FARS2: variants seen among roughly 807,000 people sequenced by gnomAD.
The protein encoded by FARS2 is phenylalanine--tRNA ligase, mitochondrial.
FARS2 carries 40 observed loss-of-function variants against 46.4 expected under a neutral mutation model. The ratio of observed to expected loss-of-function variants is 0.86; its 90% CI spans 0.67 to 1.12. FARS2 has a LOEUF of 1.12. Ranked by LOEUF, FARS2 falls within the 50% of genes most tolerant of loss-of-function variation. The pLI is 0.00. For missense variants in FARS2, 513 were observed against 567.9 expected, an observed-to-expected ratio of 0.90 and a Z score of 0.98; for synonymous variants, 234 against 214.9, an observed-to-expected ratio of 1.09 and a Z score of -0.78.
At chr6:5,466,793 G>A in intron 4 of FARS2, 2 of 985,290 alleles carry the variant, frequency 2.0e-6, no homozygotes, top group Non-Finnish European at 2.4e-6. Context: ...TTCTGGTGCA[G>A]GAAGTTGTTA....
chr6:5,624,915 T>A (rs945288589), intron 6 of FARS2, among the ~76,000 whole-genome samples: 4 of 149,184 alleles, frequency 2.7e-5, no homozygotes, highest in Non-Finnish European at 5.9e-5. Context: ...ACAAGATCAC[T>A]TCTTTCTGGC....
intron 4 of FARS2, 28 bp downstream of exon 4, chr6:5,431,200 C>T (rs1004641643): frequency 1.2e-6 from 2 of 1,611,692 alleles, no homozygotes; most frequent in Admixed American, 1.7e-5. Flanking sequence ...ATTTTATTTA[C>T]ACGTGCTCTA....
At chr6:5,419,508 C>T (rs937383422) in intron 3 of FARS2, among the ~76,000 whole-genome samples, 2 of 151,978 alleles carry the variant, frequency 1.3e-5, no homozygotes, top group East Asian at 1.9e-4. Context: ...CGTTCCTGTC[C>T]TTCTCCCCCA....
intron 5 of FARS2, among the ~76,000 whole-genome samples, chr6:5,560,794 TGTG>T (rs1771937902): frequency 6.6e-6 from 1 of 152,148 alleles, no homozygotes; most frequent in African/African-American, 2.4e-5. Flanking sequence ...TTTGATTAAT[TGTG>T]GTTTTTTCTA....
chr6:5,353,735 T>TTTG (rs1757732355), intron 1 of FARS2, among the ~76,000 whole-genome samples: 1 of 145,236 alleles, frequency 6.9e-6, no homozygotes, highest in Admixed American at 6.9e-5. Context: ...TGTTTTTTTT[T>TTTG]TTTTTTTTTT....
chr6:5,488,641 A>AAGGAGAATGGCGT (rs1561657202), intron 4 of FARS2, among the ~76,000 whole-genome samples: 3 of 151,888 alleles, frequency 2.0e-5, no homozygotes, highest in African/African-American at 7.3e-5. Context: ...ATGGAGCATA[A>AAGGAGAATGGCGT]GAGTTTAGTT....
At chr6:5,647,814 C>T (rs1388470212) in intron 6 of FARS2, among the ~76,000 whole-genome samples, 6 of 152,202 alleles carry the variant, frequency 3.9e-5, no homozygotes, top group East Asian at 1.9e-4. Context: ...TGACCCAAAC[C>T]GCTTTCTAAA....
chr6:5,273,891 T>G (rs931044595), intron 1 of FARS2, among the ~76,000 whole-genome samples: 1 of 151,918 alleles, frequency 6.6e-6, no homozygotes, highest in African/African-American at 2.4e-5. Context: ...TTGAAGAGTG[T>G]TTTTTTTCCC....
chr6:5,609,573 C>T (rs577219292), intron 5 of FARS2: 19 of 1,282,028 alleles, frequency 1.5e-5, no homozygotes, highest in South Asian at 2.4e-5. Context: ...ACCACCTCCA[C>T]GACCACCACC....
At chr6:5,543,819 C>A (rs1770781189) in intron 4 of FARS2, among the ~76,000 whole-genome samples, 1 of 152,016 alleles carries the variant, frequency 6.6e-6, no homozygotes, top group Non-Finnish European at 1.5e-5. Flanking sequence ...GAAACTCCTT[C>A]AGTCTGGAAT....
At chr6:5,392,733 TATACACACAC>T (rs1240620029) in intron 2 of FARS2, among the ~76,000 whole-genome samples, 257 of 85,120 alleles carry the variant, frequency 3.0e-3, no homozygotes, top group African/African-American at 0.013. Context: ...AATATATATA[TATACACACAC>T]ACACACACAC....
At chr6:5,643,376 G>A (rs1253944119) in intron 6 of FARS2, among the ~76,000 whole-genome samples, 1 of 152,154 alleles carries the variant, frequency 6.6e-6, no homozygotes, top group African/African-American at 2.4e-5. Context: ...AACAAGATGT[G>A]GGCTCAGAAG....
At chr6:5,580,553 C>T (rs1773272544) in intron 5 of FARS2, among the ~76,000 whole-genome samples, 1 of 152,146 alleles carries the variant, frequency 6.6e-6, no homozygotes, top group African/African-American at 2.4e-5. Flanking sequence ...GCAGCAGCCC[C>T]CGTGTGTCTC....
intron 6 of FARS2, among the ~76,000 whole-genome samples, chr6:5,756,553 A>G (rs1762214842): frequency 6.6e-6 from 1 of 152,048 alleles, no homozygotes; most frequent in Admixed American, 6.6e-5. Flanking sequence ...ACCAAATCTC[A>G]TGAGAACTCA....
chr6:5,519,942 T>G (rs1340980919), intron 4 of FARS2, among the ~76,000 whole-genome samples: 1 of 152,238 alleles, frequency 6.6e-6, no homozygotes, highest in African/African-American at 2.4e-5. Context: ...CTCAGAAGTT[T>G]TAGCAGTGAC....
intron 6 of FARS2, among the ~76,000 whole-genome samples, chr6:5,711,521 A>C (rs898720826): frequency 6.6e-6 from 1 of 152,182 alleles, no homozygotes; most frequent in Non-Finnish European, 1.5e-5. Context: ...ACCAAGGCCA[A>C]CGTCAAGAGT....
chr6:5,626,794 G>T (rs1776054677), intron 6 of FARS2, among the ~76,000 whole-genome samples: 1 of 152,176 alleles, frequency 6.6e-6, no homozygotes, highest in Non-Finnish European at 1.5e-5. Context: ...TAACGACGGG[G>T]ATACATTCTG....
At chr6:5,490,894 G>C (rs1440048263) in intron 4 of FARS2, among the ~76,000 whole-genome samples, 2 of 152,174 alleles carry the variant, frequency 1.3e-5, no homozygotes, top group Non-Finnish European at 2.9e-5. Flanking sequence ...GCAGCCTCAG[G>C]GGACCTCTTA....
At chr6:5,429,697 G>A (rs1763053471) in intron 3 of FARS2, among the ~76,000 whole-genome samples, 1 of 152,100 alleles carries the variant, frequency 6.6e-6, no homozygotes, top group Admixed American at 6.5e-5. Flanking sequence ...TGTAGTCCCA[G>A]CTACTCAGAG....
Sources: allele counts gnomAD v4.1 joint callset (sites outside exome capture counted in the v4.1 genomes callset), GRCh38; gene constraint gnomAD v4.1.1; transcripts MANE v1.5; gene names NCBI Gene and HGNC (gene_info 2026-07-23, HGNC 2026-07-21).